The following MED14 variants were observed in gnomAD, a reference collection of about 807,000 sequenced individuals.
The protein encoded by MED14 is mediator of RNA polymerase II transcription subunit 14.
MED14 carries 8 observed loss-of-function variants against 109.0 expected under a neutral mutation model. The observed-to-expected ratio is 0.07, with a 90% CI of 0.04 to 0.13. The LOEUF (loss-of-function observed/expected upper bound fraction) is 0.13, where lower values mean the gene tolerates loss of function less well. Ranked by LOEUF, MED14 falls within the 10% of genes least tolerant of loss-of-function variation. The probability of loss-of-function intolerance (pLI) is 1.00; values close to 1 mark genes in which losing one functional copy is unlikely to be tolerated. For missense variants in MED14, 711 were observed against 1,142.4 expected (o/e 0.62, Z 5.44); for synonymous variants, 399 against 408.7 (o/e 0.98, Z 0.29).
chrX:40,704,912 A>G (rs921888119), intron 10 of MED14, among the ~76,000 whole-genome samples: 2 of 111,605 alleles, frequency 1.8e-5, no homozygotes, highest in African/African-American at 6.5e-5. Flanking sequence ...CAGATTTGGG[A>G]TGCCCAACCA....
At chrX:40,660,254 A>C (rs979260034) in intron 26 of MED14, among the ~76,000 whole-genome samples, 23 of 111,779 alleles carry the variant, frequency 2.1e-4, no homozygotes, top group African/African-American at 7.2e-4. Flanking sequence ...CAATACTGAT[A>C]TTAGTTAACT....
intron 4 of MED14, among the ~76,000 whole-genome samples, chrX:40,714,279 A>C (rs939060935): frequency 1.8e-5 from 2 of 112,081 alleles, no homozygotes; most frequent in African/African-American, 3.2e-5. Flanking sequence ...GCATTTTCAC[A>C]TCTGAAATAG....
chrX:40,697,246 G>A (rs1442448701), intron 12 of MED14, 63 bp from the exon 13 acceptor site: 14 of 662,430 alleles, frequency 2.1e-5, no homozygotes, highest in Non-Finnish European at 3.0e-5. Context: ...GTGCCCTATC[G>A]ATTTACAAAT....
At chrX:40,693,438 CTCTT>C (rs776168632) in intron 13 of MED14, among the ~76,000 whole-genome samples, 63 of 111,479 alleles carry the variant, frequency 5.7e-4, no homozygotes, top group Non-Finnish European at 8.1e-4. Flanking sequence ...CACAAGCTCT[CTCTT>C]TGCCTCCCAC....
intron 12 of MED14, among the ~76,000 whole-genome samples, chrX:40,698,839 C>G: frequency 8.9e-6 from 1 of 112,341 alleles, no homozygotes; most frequent in Middle Eastern, 4.6e-3. Flanking sequence ...CACAGTCACT[C>G]TGGAAAACAG....
chrX:40,715,362 T>C lies in MED14; in HGVS notation c.349-652A>G, dbSNP rs181988827. ...TGATGGGAAAACTCGATAACCATCA[T>C]ATGCAAAAGAATGAAACTAGACCCC... On this transcript the variant is annotated intron_variant, in intron 3 of 30. Transcript: ENST00000324817. Among the ~76,000 whole-genome samples, 389 of 111,535 alleles carry C rather than the reference T, an allele frequency of 3.5e-3. 1 individual carries two copies. Among genetic ancestry groups the C allele is most frequent in the Non-Finnish European group, 5.6e-3 (298 of 53,081 alleles).
At chrX:40,710,277 A>G in intron 8 of MED14, 148 bp from the exon 9 acceptor site, 1 of 370,487 alleles carries the variant, frequency 2.7e-6, no homozygotes, top group Non-Finnish European at 4.7e-6. Flanking sequence ...ATGGGAAGAT[A>G]GCTATTCTGT....
chrX:40,709,433 G>A lies in MED14; in HGVS notation c.1200C>T (p.Leu400=). Reference sequence around the variant, plus strand: ...CTCTTGCATGGACACTGTCAATCAGGAGTTTTTCTATTGATAAGTGGTCGA... The same window carrying A: ...CTCTTGCATGGACACTGTCAATCAGAAGTTTTTCTATTGATAAGTGGTCGA... ...MKIDHLSIEK[L]LIDSVHARAH... is the part of the protein sequence containing the mutation. The change falls in exon 10 of 31, where the codon CTC becomes CTT. Residue 400 remains leucine, a synonymous_variant. Coordinates refer to ENST00000324817, the MANE Select transcript of MED14 (RefSeq NM_004229.4). The A allele has an allele frequency of 2.6e-6, 3 of 1,134,600 alleles. No homozygotes were observed. The highest frequency in any genetic ancestry group is 3.6e-6 in the Non-Finnish European group (3 of 844,793). The allele number at this position is 1,134,600 out of a possible 1,213,427, so 93.5% of individuals were successfully genotyped here.
intron 10 of MED14, among the ~76,000 whole-genome samples, chrX:40,706,523 T>C (rs753241522): frequency 2.7e-5 from 3 of 111,639 alleles, no homozygotes; most frequent in Non-Finnish European, 5.6e-5. Context: ...TGGACTATTA[T>C]AATATCCTCA....
chrX:40,730,857 G>T (rs1932054293), intron 1 of MED14, among the ~76,000 whole-genome samples: 2 of 94,877 alleles, frequency 2.1e-5, no homozygotes, highest in Admixed American at 2.4e-4. Context: ...GGGCGGGGGG[G>T]TCAGGTACGG....
At position 40,680,144 on chromosome X, in the gene MED14, C is replaced by T; in HGVS notation, c.2611-11G>A. ...AGTATCAAACAGTACCTATAAGGAA[C>T]AAACACAGTGAGAGCAGCCAGTTTC... On this transcript the variant is annotated splice_polypyrimidine_tract_variant and intron_variant, in intron 20 of 30. Coordinates refer to ENST00000324817, the MANE Select transcript of MED14 (RefSeq NM_004229.4). 1 of 1,204,445 alleles carries T rather than the reference C, an allele frequency of 8.3e-7. No individual in the cohort carries two copies. The highest frequency in any genetic ancestry group is 1.1e-6 in the Non-Finnish European group (1 of 890,767).
At chrX:40,695,107 A>G (rs993634922) in intron 13 of MED14, among the ~76,000 whole-genome samples, 7 of 111,680 alleles carry the variant, frequency 6.3e-5, no homozygotes, top group African/African-American at 2.3e-4. Flanking sequence ...AACTGGACGG[A>G]AAAGGCAAAC....
rs767831243 is a variant in MED14, at chrX:40,654,920, C to A, written c.4098+15G>T. On this transcript the variant is annotated intron_variant, in intron 29 of 30. Coordinates refer to ENST00000324817, the MANE Select transcript of MED14 (RefSeq NM_004229.4). ...CAGAAGCTCTGTACATGCACACATG[C>A]TGGGTGGTACTTACAAAAAATAGCA... 8.3e-7 allele frequency: 1 copy of A among 1,203,365 alleles called. No homozygotes were observed. Among genetic ancestry groups the A allele is most frequent in the Non-Finnish European group, 1.1e-6 (1 of 890,679 alleles).
rs567115414 is a variant in MED14, at chrX:40,650,597, G to A, written c.*1209C>T. 2.1e-5 allele frequency: 16 copies of A among 752,098 alleles called. No homozygotes were observed. Among genetic ancestry groups the A allele is most frequent in the African/African-American group, 1.9e-4 (8 of 43,077 alleles). The allele number at this position is 752,098 out of a possible 1,213,427, so 62.0% of individuals were successfully genotyped here. ...CTTAAAAAAGTCCCTGACTGACTAG[G>A]AAAGACAGCACAGTGCTCCAAAAAG... On this transcript the variant is annotated 3_prime_UTR_variant, in exon 31 of 31. Coordinates refer to ENST00000324817, the MANE Select transcript of MED14 (RefSeq NM_004229.4).
chrX:40,696,169 C>T (rs1286192001), intron 13 of MED14, among the ~76,000 whole-genome samples: 1 of 101,622 alleles, frequency 9.8e-6, no homozygotes, highest in African/African-American at 3.6e-5. Context: ...GAGTCTCACT[C>T]TGTCGCCCAA....
chrX:40,664,203 CCT>C, intron 25 of MED14, 102 bp downstream of exon 25: 1 of 733,240 alleles, frequency 1.4e-6, no homozygotes, highest in Non-Finnish European at 2.0e-6. Context: ...CTTTAAGTAT[CCT>C]CTCTCAAAAA....
In MED14 at chrX:40,658,487, C is replaced by A. The variant is rs184129231; in HGVS notation, c.3972+740G>T. Among the ~76,000 whole-genome samples, 4 of 110,580 alleles carry A rather than the reference C, an allele frequency of 3.6e-5. No individual in the cohort carries two copies. The East Asian group carries it at 8.4e-4, about 23-fold the overall frequency. ...AAAAATTATATGTTATAAATTTATACATAAACCATCTCATAATAAAAATGG... is the reference window on the plus strand; with the variant it reads ...AAAAATTATATGTTATAAATTTATAAATAAACCATCTCATAATAAAAATGG... On this transcript the variant is annotated intron_variant, in intron 28 of 30. Coordinates refer to ENST00000324817, the MANE Select transcript of MED14 (RefSeq NM_004229.4).
intron 10 of MED14, among the ~76,000 whole-genome samples, chrX:40,707,821 T>C (rs1169514313): frequency 8.9e-6 from 1 of 111,813 alleles, no homozygotes; most frequent in Non-Finnish European, 1.9e-5. Context: ...TCTGGGATGA[T>C]TAAAATGTTC....
intron 2 of MED14, among the ~76,000 whole-genome samples, chrX:40,727,495 A>G (rs1178975732): frequency 9.0e-6 from 1 of 111,657 alleles, no homozygotes; most frequent in Admixed American, 9.5e-5. Flanking sequence ...GTCTGTCCAT[A>G]TCTAGTTTTA....
Sources: allele counts gnomAD v4.1 joint callset (sites outside exome capture counted in the v4.1 genomes callset), GRCh38; gene constraint gnomAD v4.1.1; transcripts MANE v1.5; gene names NCBI Gene and HGNC (gene_info 2026-07-23, HGNC 2026-07-21).